The following MORN5 variants were observed in gnomAD, a reference collection of about 807,000 sequenced individuals.
The protein encoded by MORN5 is MORN repeat-containing protein 5.
In MORN5, 21 loss-of-function variants were observed where a neutral mutation model predicts 22.1. The observed-to-expected ratio is 0.95, with a 90% CI of 0.67 to 1.37. MORN5 has a LOEUF of 1.37. MORN5 is among the 40% of genes most tolerant of loss of function. The probability of loss-of-function intolerance (pLI) is 0.00; values close to 1 mark genes in which losing one functional copy is unlikely to be tolerated. For missense variants in MORN5, 211 were observed against 215.1 expected, an observed-to-expected ratio of 0.98 and a Z score of 0.12; for synonymous variants, 73 against 74.0, an observed-to-expected ratio of 0.99 and a Z score of 0.07.
At chr9:122,166,952 A>G (rs1396837882) in intron 2 of MORN5, 37 bp downstream of exon 2, 2 of 1,587,242 alleles carry the variant, frequency 1.3e-6, no homozygotes, top group Non-Finnish European at 8.6e-7. Flanking sequence ...TGGAGGAGAG[A>G]TCCTCACGCA....
At chr9:122,178,354 T>G (rs1829485132) in intron 4 of MORN5, among the ~76,000 whole-genome samples, 2 of 152,134 alleles carry the variant, frequency 1.3e-5, no homozygotes, top group South Asian at 4.1e-4. Flanking sequence ...CTGGGCATGG[T>G]GGTGCATGCC....
intron 1 of MORN5, among the ~76,000 whole-genome samples, chr9:122,162,723 A>C (rs368336542): frequency 2.0e-5 from 3 of 152,248 alleles, no homozygotes; most frequent in African/African-American, 7.2e-5. Context: ...CAGACAAAAA[A>C]AGAGTAGATA....
intron 4 of MORN5, among the ~76,000 whole-genome samples, chr9:122,189,961 C>T (rs1430664580): frequency 6.6e-6 from 1 of 152,026 alleles, no homozygotes; most frequent in Non-Finnish European, 1.5e-5. Context: ...GTGAGATGTC[C>T]ATCTCCAGCA....
intron 4 of MORN5, among the ~76,000 whole-genome samples, chr9:122,191,328 G>A (rs146385102): frequency 1.6e-3 from 239 of 152,318 alleles, no homozygotes; most frequent in African/African-American, 5.4e-3. Flanking sequence ...ACACACACCT[G>A]TGTCTGTGCA....
chr9:122,175,334 T>C lies in MORN5; in HGVS notation c.439+707T>C, dbSNP rs1374460793. ...CTTGAGGTGCAAGAAGGTTGGTTCA[T>C]CCTTTAGCCAGGGGAGTAGGTACCT... On this transcript the variant is annotated intron_variant, in intron 4 of 4. Coordinates refer to ENST00000373764, the MANE Select transcript of MORN5 (RefSeq NM_198469.4). 4 of 399,034 alleles carry C rather than the reference T, an allele frequency of 1.0e-5. No individual in the cohort carries two copies. In the Admixed American group the frequency reaches 2.6e-4, roughly 26 times the overall value. The allele number at this position is 399,034 out of a possible 1,614,324, so 24.7% of individuals were successfully genotyped here.
At chr9:122,188,182 C>T (rs953971544) in intron 4 of MORN5, among the ~76,000 whole-genome samples, 23 of 152,156 alleles carry the variant, frequency 1.5e-4, no homozygotes, top group Non-Finnish European at 2.5e-4. Context: ...GTCCTTCAGA[C>T]GGTGAGGAGT....
intron 1 of MORN5, among the ~76,000 whole-genome samples, chr9:122,161,626 T>G (rs1296578360): frequency 6.6e-6 from 1 of 152,232 alleles, no homozygotes; most frequent in Admixed American, 6.5e-5. Context: ...TTCACAAGGC[T>G]CTGCTACAGT....
intron 3 of MORN5, among the ~76,000 whole-genome samples, chr9:122,171,944 ATC>A (rs1359516544): frequency 1.8e-5 from 2 of 108,262 alleles, no homozygotes; most frequent in Non-Finnish European, 3.7e-5. Flanking sequence ...AGTCACTTCC[ATC>A]TTTTTTTTTT....
chr9:122,171,465 C>T (rs2118751062), intron 3 of MORN5, among the ~76,000 whole-genome samples: 1 of 152,196 alleles, frequency 6.6e-6, no homozygotes, highest in Middle Eastern at 3.4e-3. Context: ...GGCTCTCTGG[C>T]TTAGGCATTT....
Position 122,185,105 on chromosome 9 carries a change from G to C in MORN5, c.439+10478G>C, listed in dbSNP as rs534317076. 5.3e-5 allele frequency among the ~76,000 whole-genome samples: 8 copies of C among 152,298 alleles called. No individual in the cohort carries two copies. The East Asian group carries it at 1.4e-3, about 26-fold the overall frequency. On this transcript the variant is annotated intron_variant, in intron 4 of 4. Coordinates refer to ENST00000373764, the MANE Select transcript of MORN5 (RefSeq NM_198469.4). ...GAGTCTCGCTCTTTCACTCAGGCTG[G>C]GGTGCAGTGGCACAATCTCGGCTCA...
chr9:122,166,710 C>A, intron 1 of MORN5, 58 bp from the exon 2 acceptor site: 1 of 1,523,212 alleles, frequency 6.6e-7, no homozygotes, highest in Non-Finnish European at 9.0e-7. Context: ...CTGTTGCCTG[C>A]CAGCTCTGAT....
At chr9:122,166,446 C>T (rs533656213) in intron 1 of MORN5, among the ~76,000 whole-genome samples, 1 of 152,162 alleles carries the variant, frequency 6.6e-6, no homozygotes, top group African/African-American at 2.4e-5. Context: ...CTAGTGTCCA[C>T]AGTTTTTACT....
intron 4 of MORN5, among the ~76,000 whole-genome samples, chr9:122,182,930 T>C (rs1829558565): frequency 6.6e-6 from 1 of 152,222 alleles, no homozygotes; most frequent in Non-Finnish European, 1.5e-5. Context: ...CCAAAGCCTG[T>C]CCTTTTCATT....
chr9:122,160,035 G>A lies in MORN5; in HGVS notation c.47+16G>A, dbSNP rs200239114. 3,648 of 1,610,696 alleles carry A rather than the reference G, an allele frequency of 2.3e-3. 10 individuals are homozygous for A. Among genetic ancestry groups the A allele is most frequent in the Non-Finnish European group, 2.2e-3 (2,611 of 1,178,000 alleles). ...TAGATGGGAGGTAAGGGGCTCATTTGATTCACTTACTATACCTTGAATAGC... is the reference window on the plus strand; with the variant it reads ...TAGATGGGAGGTAAGGGGCTCATTTAATTCACTTACTATACCTTGAATAGC... On this transcript the variant is annotated intron_variant, in intron 1 of 4. Coordinates refer to ENST00000373764, the MANE Select transcript of MORN5 (RefSeq NM_198469.4).
chr9:122,173,687 A>G (rs1335693030), intron 3 of MORN5, among the ~76,000 whole-genome samples: 1 of 152,060 alleles, frequency 6.6e-6, no homozygotes, highest in East Asian at 1.9e-4. Context: ...AGCGTGCATG[A>G]CCTAAAAGGT....
chr9:122,163,394 G>A (rs939570345), intron 1 of MORN5, among the ~76,000 whole-genome samples: 13 of 152,234 alleles, frequency 8.5e-5, no homozygotes, highest in African/African-American at 3.1e-4. Flanking sequence ...AGACTGTAAA[G>A]CCCACAGGCT....
chr9:122,195,117 G>C (rs1469982790), intron 4 of MORN5, among the ~76,000 whole-genome samples: 1 of 152,076 alleles, frequency 6.6e-6, no homozygotes, highest in Non-Finnish European at 1.5e-5. Flanking sequence ...CTGGATGTCT[G>C]GGTCTGTGAA....
rs1829914029 is a variant in MORN5, at chr9:122,197,296, C to T, written c.440-2589C>T. Among the ~76,000 whole-genome samples the T allele has an allele frequency of 6.6e-6, 1 of 151,982 alleles. No homozygotes were observed. Among genetic ancestry groups the T allele is most frequent in the South Asian group, 2.1e-4 (1 of 4,832 alleles). ...TCTCCCTCCTTTCCCTCTCCCCCTC[C>T]TACCAAAAAAGGGGAGAAATTATCT... On this transcript the variant is annotated intron_variant, in intron 4 of 4. Transcript: ENST00000373764. The surrounding 1 kb of genome is among the most constrained non-coding windows in gnomAD (Gnocchi z 5.7).
At chr9:122,166,203 CAT>C (rs529712339) in intron 1 of MORN5, among the ~76,000 whole-genome samples, 111 of 152,096 alleles carry the variant, frequency 7.3e-4, no homozygotes, top group Admixed American at 1.3e-3. Context: ...CCTCCCATGA[CAT>C]GTGGGGATTA....
Sources: allele counts gnomAD v4.1 joint callset (sites outside exome capture counted in the v4.1 genomes callset), GRCh38; gene constraint gnomAD v4.1.1; non-coding constraint Gnocchi (gnomAD v3.1); transcripts MANE v1.5; gene names NCBI Gene and HGNC (gene_info 2026-07-23, HGNC 2026-07-21).